The following TMEM14B variants were observed in gnomAD, a reference collection of about 807,000 sequenced individuals.
TMEM14B encodes transmembrane protein 14B.
TMEM14B carries 9 observed loss-of-function variants against 14.8 expected under a neutral mutation model. The observed-to-expected ratio is 0.61, with a 90% confidence interval of 0.37 to 1.06. The LOEUF (loss-of-function observed/expected upper bound fraction) is 1.06. Ranked by LOEUF, TMEM14B falls within the 50% of genes least tolerant of loss-of-function variation. TMEM14B has a pLI of 0.01. For synonymous variants in TMEM14B, 40 were observed against 51.3 expected, an observed-to-expected ratio of 0.78 and a Z score of 0.94; for missense variants, 128 against 143.6, an observed-to-expected ratio of 0.89 and a Z score of 0.56.
At position 10,753,848 on chromosome 6, in the gene TMEM14B, CA is replaced by C. The variant is rs1292086438; in HGVS notation, c.203-1293del. On this transcript the variant is annotated intron_variant, in intron 4 of 5. Coordinates refer to ENST00000379542, the MANE Select transcript of TMEM14B (RefSeq NM_030969.5). ...TTGTCCTCTTTTTCATCTGCACAGCCATCGTCCTAGTCCCAGTTATCCCCTC... is the reference window on the plus strand; with the variant it reads ...TTGTCCTCTTTTTCATCTGCACAGCCTCGTCCTAGTCCCAGTTATCCCCTC... Among the ~76,000 whole-genome samples the C allele has an allele frequency of 2.6e-3, 389 of 152,216 alleles. 3 individuals carry two copies. The highest frequency in any genetic ancestry group is 8.5e-3 in the African/African-American group (354 of 41,456).
chr6:10,757,092 G>A, downstream of TMEM14B: 2 of 698,700 alleles, frequency 2.9e-6, no homozygotes, highest in Non-Finnish European at 3.5e-6. Flanking sequence ...CCTATTTTGA[G>A]TAATTTAAGG....
chr6:10,755,729 C>T (rs1173004034), intron 5 of TMEM14B: 6 of 952,000 alleles, frequency 6.3e-6, no homozygotes, highest in Non-Finnish European at 7.6e-6. Context: ...CCATGGCGGG[C>T]ATATCACTTG....
chr6:10,748,375 AGCTGGGATTACAGGTGCAT>A (rs1460888741), intron 1 of TMEM14B, among the ~76,000 whole-genome samples: 4 of 151,676 alleles, frequency 2.6e-5, no homozygotes, highest in Non-Finnish European at 5.9e-5. Flanking sequence ...CCTCCCAAGT[AGCTGGGATTACAGGTGCAT>A]GCCATCATGC....
At chr6:10,750,241 A>C (rs1207420053) in intron 3 of TMEM14B, among the ~76,000 whole-genome samples, 1 of 151,658 alleles carries the variant, frequency 6.6e-6, no homozygotes, top group African/African-American at 2.4e-5. Flanking sequence ...CTGCCTGTAC[A>C]CAATTCCAGC....
intron 5 of TMEM14B, chr6:10,755,547 ATTTC>A: frequency 7.4e-7 from 1 of 1,343,328 alleles, no homozygotes; most frequent in Non-Finnish European, 9.5e-7. Flanking sequence ...GGGGTCCCAT[ATTTC>A]TTAGGTGTGT....
chr6:10,752,461 T>TC (rs1771625717), intron 4 of TMEM14B, among the ~76,000 whole-genome samples: 2 of 147,660 alleles, frequency 1.4e-5, no homozygotes, highest in Admixed American at 1.3e-4. Context: ...CCTTTTTTTT[T>TC]TTTTTTTTTT....
At chr6:10,758,110 C>T (rs1771867086), downstream of TMEM14B, among the ~76,000 whole-genome samples, 1 of 152,068 alleles carries the variant, frequency 6.6e-6, no homozygotes, top group Non-Finnish European at 1.5e-5. Flanking sequence ...CCTAGTTTTC[C>T]ATCCTTTTTT....
At chr6:10,754,061 T>A (rs1487865649) in intron 4 of TMEM14B, among the ~76,000 whole-genome samples, 1 of 152,084 alleles carries the variant, frequency 6.6e-6, no homozygotes, top group Non-Finnish European at 1.5e-5. Flanking sequence ...ATTGCCGAGC[T>A]CAGGAGTTGG....
intron 3 of TMEM14B, 82 bp downstream of exon 3, chr6:10,749,780 A>G (rs1771477581): frequency 1.2e-5 from 19 of 1,548,822 alleles, no homozygotes; most frequent in Non-Finnish European, 1.7e-5. Flanking sequence ...CTGAGAAGCA[A>G]TCTCGTTTGA....
At chr6:10,747,904 T>C (rs1432729342) in intron 1 of TMEM14B, 23 bp downstream of exon 1, 5 of 152,128 alleles carry the variant, frequency 3.3e-5, no homozygotes, top group Non-Finnish European at 5.9e-5. Flanking sequence ...CTTTGGAGAG[T>C]ATTGTTTTTA....
chr6:10,751,083 T>C, intron 3 of TMEM14B, 50 bp from the exon 4 acceptor site: 1 of 1,608,688 alleles, frequency 6.2e-7, no homozygotes, highest in Non-Finnish European at 8.5e-7. Flanking sequence ...ATTCCGTTAG[T>C]GAAATAAGTG....
At chr6:10,750,997 TG>T in intron 3 of TMEM14B, 135 bp from the exon 4 acceptor site, 2 of 997,260 alleles carry the variant, frequency 2.0e-6, no homozygotes. Flanking sequence ...AACGCCTTCC[TG>T]CTTGAGTCCA....
chr6:10,756,683 A>G lies in TMEM14B; in HGVS notation c.*165A>G. 7.2e-7 allele frequency: 1 copy of G among 1,388,258 alleles called. No individual in the cohort carries two copies. Among genetic ancestry groups the G allele is most frequent in the Non-Finnish European group, 9.3e-7 (1 of 1,072,008 alleles). The allele number at this position is 1,388,258 out of a possible 1,614,324, so 86.0% of individuals were successfully genotyped here. Reference sequence around the variant, plus strand: ...GAGGGGTGGAAAATCAGTTGTTACCATTATAACCCTACAGAGGTGGTGAGC... The same window carrying G: ...GAGGGGTGGAAAATCAGTTGTTACCGTTATAACCCTACAGAGGTGGTGAGC... On this transcript the variant is annotated 3_prime_UTR_variant, in exon 6 of 6. Transcript: ENST00000379542.
chr6:10,751,122 C>T lies in TMEM14B; in HGVS notation c.101-11C>T, dbSNP rs752670776. On this transcript the variant is annotated splice_polypyrimidine_tract_variant and intron_variant, in intron 3 of 5. Coordinates refer to ENST00000379542, the MANE Select transcript of TMEM14B (RefSeq NM_030969.5). ...GACATTACAATGCAAGCTGCGTTTG[C>T]TTCCTTCTAGGCAGCGTGCCGTCCC... The T allele has an allele frequency of 9.3e-6, 15 of 1,613,012 alleles. No individual in the cohort carries two copies. The highest frequency in any genetic ancestry group is 1.2e-5 in the Non-Finnish European group (14 of 1,179,876).
rs1771795993 is a variant in TMEM14B at position 10,756,171 on chromosome 6, T to C, written c.294-296T>C. On this transcript the variant is annotated intron_variant, in intron 5 of 5. Transcript: ENST00000379542. Reference sequence around the variant, plus strand: ...GCTGGAGTCTACCATAAATCAGATCTGTGATGGTGGGGAGGCCTTGCTTTC... The same window carrying C: ...GCTGGAGTCTACCATAAATCAGATCCGTGATGGTGGGGAGGCCTTGCTTTC... Among the ~76,000 whole-genome samples, 4 of 152,212 alleles carry C rather than the reference T, an allele frequency of 2.6e-5. 1 individual carries two copies. The highest frequency in any genetic ancestry group is 4.8e-5 in the African/African-American group (2 of 41,462).
At chr6:10,757,029 A>G, downstream of TMEM14B, 1 of 956,650 alleles carries the variant, frequency 1.0e-6, no homozygotes, top group Non-Finnish European at 1.2e-6. Context: ...TCATAGAATG[A>G]GATGTTGCTA....
intron 3 of TMEM14B, 47 bp from the exon 4 acceptor site, chr6:10,751,086 A>G (rs746243542): frequency 1.7e-5 from 28 of 1,609,624 alleles, no homozygotes; most frequent in Non-Finnish European, 2.4e-5. Context: ...CCGTTAGTGA[A>G]ATAAGTGCCT....
intron 1 of TMEM14B, among the ~76,000 whole-genome samples, chr6:10,748,143 C>T (rs116439869): frequency 9.7e-4 from 148 of 152,262 alleles, no homozygotes; most frequent in African/African-American, 3.1e-3. Context: ...TTTGTTGCTC[C>T]AGCTCTTTAA....
At chr6:10,756,075 G>C (rs11970734) in intron 5 of TMEM14B, among the ~76,000 whole-genome samples, 5,579 of 152,232 alleles carry the variant, frequency 0.037, 335 homozygotes, top group African/African-American at 0.13. Flanking sequence ...TCGTGATGCT[G>C]CCAGTATAAT....
Sources: allele counts gnomAD v4.1 joint callset (sites outside exome capture counted in the v4.1 genomes callset), GRCh38; gene constraint gnomAD v4.1.1; transcripts MANE v1.5; gene names NCBI Gene and HGNC (gene_info 2026-07-23, HGNC 2026-07-21).